The following CRB1 variants were observed in gnomAD, a reference collection of about 807,000 sequenced individuals.
CRB1 encodes the protein protein crumbs homolog 1.
CRB1 carries 83 observed loss-of-function variants against 120.0 expected under a neutral mutation model. That is an observed-to-expected ratio of 0.69 (90% CI 0.58 to 0.83). The LOEUF is 0.83. Ranked by LOEUF, CRB1 falls within the 40% of genes least tolerant of loss-of-function variation. CRB1 has a pLI of 0.00. For missense variants in CRB1, 1,699 were observed against 1,687.6 expected, an observed-to-expected ratio of 1.01 and a Z score of -0.12; for synonymous variants, 625 against 612.5, an observed-to-expected ratio of 1.02 and a Z score of -0.30.
intron 3 of CRB1, among the ~76,000 whole-genome samples, chr1:197,345,361 T>C (rs1659703443): frequency 6.6e-6 from 1 of 152,086 alleles, no homozygotes; most frequent in Non-Finnish European, 1.5e-5. Flanking sequence ...AATTAATTCT[T>C]TGCAAAAGGA....
At chr1:197,310,904 T>C (rs1657478396) in intron 1 of CRB1, among the ~76,000 whole-genome samples, 1 of 152,172 alleles carries the variant, frequency 6.6e-6, no homozygotes, top group Non-Finnish European at 1.5e-5. Context: ...ATCCACAGGG[T>C]AGAGAAATAT....
chr1:197,394,241 T>A (rs1486446292), intron 5 of CRB1, among the ~76,000 whole-genome samples: 1 of 152,156 alleles, frequency 6.6e-6, no homozygotes, highest in African/African-American at 2.4e-5. Context: ...TTTCACTTAA[T>A]GAATAATCAG....
At position 197,438,645 on chromosome 1, in the gene CRB1, G is replaced by A. The variant is rs1665279435; in HGVS notation, c.3848G>A (p.Cys1283Tyr). 1 of 1,612,588 alleles carries A rather than the reference G, an allele frequency of 6.2e-7. No homozygotes were observed. The highest frequency in any genetic ancestry group is 8.5e-7 in the Non-Finnish European group (1 of 1,178,852). Residue 1283 changes from cysteine to tyrosine, a missense_variant, in exon 10 of 12, where the codon TGT becomes TAT. Transcript: ENST00000367400. ...NCTEFQTELK[C>Y]MCRPGFTGEW... ...ACAGAGTTCCAGACTGAATTAAAATGTATGTGCCGGCCAGGTTTTACTGGA... is the reference window on the plus strand; with the variant it reads ...ACAGAGTTCCAGACTGAATTAAAATATATGTGCCGGCCAGGTTTTACTGGA...
At chr1:197,477,571 T>C (rs755421619) in intron 11 of CRB1, 93 bp from the exon 12 acceptor site, 1 of 1,143,522 alleles carries the variant, frequency 8.7e-7, no homozygotes, top group Admixed American at 1.8e-5. Flanking sequence ...CAGCTTGCTC[T>C]GGTTGGTCTT....
At chr1:197,325,302 T>C (rs954481607) in intron 1 of CRB1, among the ~76,000 whole-genome samples, 1 of 152,218 alleles carries the variant, frequency 6.6e-6, no homozygotes, top group African/African-American at 2.4e-5. Context: ...TTGGCATTCT[T>C]AGACCTGGAA....
intron 6 of CRB1, among the ~76,000 whole-genome samples, chr1:197,423,990 T>TA (rs1159037313): frequency 6.6e-6 from 1 of 152,224 alleles, no homozygotes; most frequent in African/African-American, 2.4e-5. Context: ...AAGATACTAC[T>TA]ACTCAGAATA....
intron 1 of CRB1, among the ~76,000 whole-genome samples, chr1:197,303,946 C>A (rs777230095): frequency 2.0e-5 from 3 of 151,952 alleles, no homozygotes; most frequent in South Asian, 2.1e-4. Context: ...TATGATCATG[C>A]CATTGCATGC....
In CRB1 at chr1:197,421,475, T is replaced by C. The variant is rs62636283; in HGVS notation, c.1647T>C (p.Asn549=). 5.0e-4 allele frequency: 813 copies of C among 1,614,232 alleles called. 1 individual carries two copies. The highest frequency in any genetic ancestry group is 5.9e-4 in the Non-Finnish European group (700 of 1,180,038). The change falls in exon 6 of 12, where the codon AAT becomes AAC. Residue 549 remains asparagine, a synonymous_variant. Coordinates refer to ENST00000367400, the MANE Select transcript of CRB1 (RefSeq NM_201253.3). The stretch of plus-strand genomic sequence containing the variant: ...ACATTCACTTATCAATTCAGGTCAA[T>C]AATCAGTCAAAGGTGCTTCTGTTCA... ...SGYIHLSIQV[N]NQSKVLLFIS...
chr1:197,395,726 G>A (rs940014571), intron 5 of CRB1, among the ~76,000 whole-genome samples: 1 of 151,972 alleles, frequency 6.6e-6, no homozygotes, highest in African/African-American at 2.4e-5. Flanking sequence ...AATTCACCAT[G>A]ATAAAACAAA....
the CRB1 span, among the ~76,000 whole-genome samples, chr1:197,257,542 G>A: frequency 6.6e-6 from 1 of 151,920 alleles, no homozygotes. Flanking sequence ...GTTTTCTTAG[G>A]CTACACAAAA....
Position 197,403,776 on chromosome 1 carries a change from C to A in CRB1, c.1172-17224C>A, listed in dbSNP as rs77816429. On this transcript the variant is annotated intron_variant, in intron 5 of 11. Coordinates refer to ENST00000367400, the MANE Select transcript of CRB1 (RefSeq NM_201253.3). ...GTTGAAAGGAATTAGTTTTCTCTTT[C>A]TCTCTCTCTCCCTCTCTCCCCCTGC... 7.2e-4 allele frequency among the ~76,000 whole-genome samples: 109 copies of A among 152,040 alleles called. No homozygotes were observed. In the East Asian group the frequency reaches 0.02, roughly 28 times the overall value.
In CRB1 at chr1:197,289,838, T is replaced by A. The variant is rs150053640; in HGVS notation, c.70+21356T>A. 8.6e-3 allele frequency among the ~76,000 whole-genome samples: 1,300 copies of A among 151,764 alleles called. 21 individuals are homozygous for A. Among genetic ancestry groups the A allele is most frequent in the Non-Finnish European group, 0.01 (707 of 67,824 alleles). On this transcript the variant is annotated intron_variant, in intron 1 of 11. Coordinates refer to ENST00000367400, the MANE Select transcript of CRB1 (RefSeq NM_201253.3). ...CCTATTCTTTTTTATATAATGTGCT[T>A]TATTTTTCATATTACAATTTAAAAT...
At chr1:197,402,436 A>G (rs1663114289) in intron 5 of CRB1, among the ~76,000 whole-genome samples, 1 of 152,146 alleles carries the variant, frequency 6.6e-6, no homozygotes, top group South Asian at 2.1e-4. Context: ...TATGTACCAC[A>G]TTTTCTTTAT....
At chr1:197,392,442 T>C (rs2125416645) in intron 5 of CRB1, among the ~76,000 whole-genome samples, 1 of 152,130 alleles carries the variant, frequency 6.6e-6, no homozygotes, top group South Asian at 2.1e-4. Flanking sequence ...ACTATAAAGG[T>C]AACTCAGATA....
chr1:197,322,631 C>T (rs1400910934), intron 1 of CRB1, among the ~76,000 whole-genome samples: 1 of 152,002 alleles, frequency 6.6e-6, no homozygotes, highest in East Asian at 1.9e-4. Context: ...ATTATACTTC[C>T]ATTAGACAGC....
the CRB1 span, among the ~76,000 whole-genome samples, chr1:197,254,082 T>C: frequency 6.6e-6 from 1 of 152,034 alleles, no homozygotes; most frequent in Admixed American, 6.6e-5. Context: ...ATACATCTCT[T>C]CTCCTTCTTT....
At chr1:197,310,628 CAT>C (rs1166292767) in intron 1 of CRB1, among the ~76,000 whole-genome samples, 1 of 152,008 alleles carries the variant, frequency 6.6e-6, no homozygotes, top group Non-Finnish European at 1.5e-5. Context: ...ACAAGTGATA[CAT>C]ATCTATATCT....
chr1:197,267,276 A>G (rs1654671571), upstream of CRB1, among the ~76,000 whole-genome samples: 1 of 152,192 alleles, frequency 6.6e-6, no homozygotes, highest in Non-Finnish European at 1.5e-5. Context: ...TAAAAATAAT[A>G]ATTGTCATGA....
At chr1:197,309,629 C>T (rs1292300185) in intron 1 of CRB1, among the ~76,000 whole-genome samples, 2 of 152,026 alleles carry the variant, frequency 1.3e-5, no homozygotes, top group African/African-American at 4.8e-5. Flanking sequence ...TGGCAGGCGC[C>T]TGTAGTCCCA....
Sources: gnomAD v4.1 joint callset for allele counts (sites outside exome capture counted in the v4.1 genomes callset) on GRCh38, gnomAD v4.1.1 for gene constraint, MANE v1.5 for transcripts, NCBI Gene and HGNC (gene_info 2026-07-23, HGNC 2026-07-21) for gene names.